The following KIF26B variants were observed in gnomAD, a reference collection of about 807,000 sequenced individuals.
KIF26B encodes the protein kinesin-like protein KIF26B.
Under a neutral mutation model 151.2 loss-of-function variants are expected in KIF26B, and 63 were observed. The observed-to-expected ratio is 0.42, with a 90% confidence interval of 0.34 to 0.51. KIF26B has a LOEUF of 0.51. Among genes scored for constraint, KIF26B ranks in the 20% least tolerant of loss-of-function variants. KIF26B has a pLI of 0.07. For missense variants in KIF26B, 2,813 were observed against 2,913.6 expected (o/e 0.97, Z 0.79); for synonymous variants, 1,357 against 1,262.1 (o/e 1.08, Z -1.59).
Position 245,427,629 on chromosome 1 carries a change from G to C in KIF26B, c.1166+7884G>C, listed in dbSNP as rs142991419. Among the ~76,000 whole-genome samples, 41 of 152,062 alleles carry C rather than the reference G, an allele frequency of 2.7e-4. 1 individual carries two copies. The South Asian group carries it at 3.5e-3, about 13-fold the overall frequency. Reference sequence around the variant, plus strand: ...GTCTCAAAACAAACAAACAAACAAAGAAAAAGCCCTTTTAGGAGCTCATAT... The same window carrying C: ...GTCTCAAAACAAACAAACAAACAAACAAAAAGCCCTTTTAGGAGCTCATAT... On this transcript the variant is annotated intron_variant, in intron 4 of 14. Transcript: ENST00000407071.
intron 4 of KIF26B, among the ~76,000 whole-genome samples, chr1:245,518,615 G>A (rs1661021730): frequency 6.6e-6 from 1 of 152,182 alleles, no homozygotes; most frequent in South Asian, 2.1e-4. Flanking sequence ...AACACTGACT[G>A]CCAGCATTCT....
chr1:245,329,658 C>T (rs1348200759), intron 2 of KIF26B, among the ~76,000 whole-genome samples: 2 of 152,224 alleles, frequency 1.3e-5, no homozygotes, highest in East Asian at 1.9e-4. Context: ...CTCTCCTGCC[C>T]CTGCCCCTTT....
At chr1:245,493,613 C>T (rs1660451916) in intron 4 of KIF26B, among the ~76,000 whole-genome samples, 2 of 152,308 alleles carry the variant, frequency 1.3e-5, no homozygotes, top group South Asian at 4.1e-4. Context: ...CAGATTCTGG[C>T]CTCAGCTGAT....
intron 2 of KIF26B, among the ~76,000 whole-genome samples, chr1:245,289,364 T>C (rs1284706690): frequency 6.6e-6 from 1 of 152,194 alleles, no homozygotes; most frequent in Non-Finnish European, 1.5e-5. Context: ...GCAATTATTA[T>C]TATTGTGATT....
rs941870686 is a variant in KIF26B, at chr1:245,374,554, A to G, written c.999+7187A>G. ...CCACTTGTGCCCTGAAATATGCAGC[A>G]CACCCCTTCTTGGGCCAGCACTGGG... On this transcript the variant is annotated intron_variant, in intron 3 of 14. Coordinates refer to ENST00000407071, the MANE Select transcript of KIF26B (RefSeq NM_018012.4). Among the ~76,000 whole-genome samples the G allele has an allele frequency of 2.6e-5, 4 of 152,120 alleles. No homozygotes were observed. The South Asian group carries it at 6.2e-4, about 24-fold the overall frequency.
At chr1:245,255,563 G>C (rs529878283) in intron 2 of KIF26B, among the ~76,000 whole-genome samples, 1 of 152,102 alleles carries the variant, frequency 6.6e-6, no homozygotes, top group Non-Finnish European at 1.5e-5. Context: ...TGCTTGGTAC[G>C]ATTACACAGC....
intron 2 of KIF26B, among the ~76,000 whole-genome samples, chr1:245,257,712 A>G (rs1193175936): frequency 6.6e-6 from 1 of 152,144 alleles, no homozygotes; most frequent in Non-Finnish European, 1.5e-5. Context: ...GGACAGGGGT[A>G]GATATTTGTG....
intron 2 of KIF26B, among the ~76,000 whole-genome samples, chr1:245,222,570 C>G (rs1333622091): frequency 6.6e-6 from 1 of 152,066 alleles, no homozygotes. Context: ...ATAGAGCAGC[C>G]TTATTAAAAT....
chr1:245,609,272 C>A lies in KIF26B; in HGVS notation c.1658C>A (p.Ser553Tyr). 6.2e-7 allele frequency: 1 copy of A among 1,601,790 alleles called. No homozygotes were observed. Among genetic ancestry groups the A allele is most frequent in the South Asian group, 1.1e-5 (1 of 88,864 alleles). The stretch of plus-strand genomic sequence containing the variant: ...CCTTCCCTGGTTCTCCCAGGAAAAT[C>A]CTACACCATGATCGGAAAGGATGAT... ...FCFGHAKLGK[S>Y]YTMIGKDDSM... The change falls in exon 8 of 15, where the codon TCC becomes TAC. Residue 553 changes from serine to tyrosine, a missense_variant. This residue lies in a region of KIF26B where 77 missense variants were observed against 136.9 expected (regional missense o/e 0.56). Transcript: ENST00000407071.
At chr1:245,551,871 C>T (rs1020951281) in intron 5 of KIF26B, among the ~76,000 whole-genome samples, 87 of 152,168 alleles carry the variant, frequency 5.7e-4, no homozygotes, top group African/African-American at 2.1e-3. Context: ...TGGGTGCCCC[C>T]TCGTGTGCTT....
chr1:245,366,516 G>C (rs1672956567), intron 2 of KIF26B, among the ~76,000 whole-genome samples: 1 of 149,696 alleles, frequency 6.7e-6, no homozygotes, highest in Non-Finnish European at 1.5e-5. Flanking sequence ...GGGTGACAAG[G>C]CGAGACTCCA....
At chr1:245,541,081 A>ACT in intron 5 of KIF26B, 131 bp downstream of exon 5, 1 of 749,456 alleles carries the variant, frequency 1.3e-6, no homozygotes, top group South Asian at 2.0e-5. Context: ...GCAAGATGAA[A>ACT]TTCATTTGAA....
At chr1:245,411,930 C>T (rs2103032204) in intron 3 of KIF26B, among the ~76,000 whole-genome samples, 1 of 152,314 alleles carries the variant, frequency 6.6e-6, no homozygotes, top group Non-Finnish European at 1.5e-5. Context: ...TGTCTGACTG[C>T]AGTGGAACAT....
chr1:245,677,399 C>T (rs1183999273), intron 10 of KIF26B, among the ~76,000 whole-genome samples: 4 of 152,248 alleles, frequency 2.6e-5, no homozygotes, highest in African/African-American at 9.6e-5. Context: ...CTCTATCCCA[C>T]GAATGTTATG....
At chr1:245,345,304 CCTT>C (rs1672425963) in intron 2 of KIF26B, among the ~76,000 whole-genome samples, 1 of 152,192 alleles carries the variant, frequency 6.6e-6, no homozygotes, top group South Asian at 2.1e-4. Context: ...TCCCCTCCCT[CCTT>C]CTGCGACTTC....
At chr1:245,198,673 A>T (rs1669234096) in intron 2 of KIF26B, among the ~76,000 whole-genome samples, 1 of 151,306 alleles carries the variant, frequency 6.6e-6, no homozygotes, top group Non-Finnish European at 1.5e-5. Context: ...GTGAGTCGAG[A>T]TCGAGGTCGC....
intron 4 of KIF26B, among the ~76,000 whole-genome samples, chr1:245,496,839 G>A (rs550686907): frequency 6.6e-6 from 1 of 151,720 alleles, no homozygotes; most frequent in South Asian, 2.1e-4. Context: ...AGAAGTTGAA[G>A]ATAAAAGAAT....
chr1:245,389,762 G>A (rs1572037739), intron 3 of KIF26B, among the ~76,000 whole-genome samples: 1 of 152,182 alleles, frequency 6.6e-6, no homozygotes, highest in East Asian at 1.9e-4. Context: ...ATAATTTAAA[G>A]ATCTAAGTCA....
intron 4 of KIF26B, among the ~76,000 whole-genome samples, chr1:245,520,509 TATTCATCCATCCATCC>T (rs1376408304): frequency 2.3e-5 from 1 of 43,450 alleles, no homozygotes. Flanking sequence ...AAACACAATC[TATTCATCCATCCATCC>T]ATCCATCCAT....
Sources: gnomAD v4.1 joint callset for allele counts (sites outside exome capture counted in the v4.1 genomes callset) on GRCh38, gnomAD v4.1.1 for gene constraint, gnomAD v4.1.1 regional missense constraint, MANE v1.5 for transcripts, NCBI Gene and HGNC (gene_info 2026-07-23, HGNC 2026-07-21) for gene names.